SIPA1L1: variants seen among roughly 807,000 people sequenced by gnomAD.
The protein encoded by SIPA1L1 is signal-induced proliferation-associated 1-like protein 1.
A neutral mutation model predicts 162.7 loss-of-function variants in SIPA1L1; 26 were observed. That is an observed-to-expected ratio of 0.16 (90% CI 0.12 to 0.22). SIPA1L1 has a LOEUF of 0.22. SIPA1L1 is among the 10% of genes least tolerant of loss of function. The pLI is 1.00. For missense variants in SIPA1L1, 1,874 were observed against 2,241.0 expected, an observed-to-expected ratio of 0.84 and a Z score of 3.31; for synonymous variants, 829 against 837.4, an observed-to-expected ratio of 0.99 and a Z score of 0.17.
At chr14:71,637,795 C>T (rs555084972) in intron 7 of SIPA1L1, among the ~76,000 whole-genome samples, 2 of 152,028 alleles carry the variant, frequency 1.3e-5, no homozygotes, top group East Asian at 3.9e-4. Flanking sequence ...ATATAGGGTT[C>T]GGTACTATCC....
At chr14:71,713,741 C>A (rs1340545647) in intron 17 of SIPA1L1, among the ~76,000 whole-genome samples, 1 of 152,198 alleles carries the variant, frequency 6.6e-6, no homozygotes, top group Non-Finnish European at 1.5e-5. Context: ...TGTCTGTGTG[C>A]CTCTGTGTAT....
intron 2 of SIPA1L1, among the ~76,000 whole-genome samples, chr14:71,367,516 G>T (rs2038435468): frequency 6.6e-6 from 1 of 150,934 alleles, no homozygotes; most frequent in Admixed American, 6.6e-5. Flanking sequence ...CACCGTGTTA[G>T]CCAGGATGGT....
intron 4 of SIPA1L1, among the ~76,000 whole-genome samples, chr14:71,559,998 A>G (rs970497747): frequency 1.3e-5 from 2 of 152,104 alleles, no homozygotes; most frequent in Non-Finnish European, 2.9e-5. Flanking sequence ...TTTTTAGTGG[A>G]CTCTGATTAT....
chr14:71,622,211 T>C (rs933832464), intron 6 of SIPA1L1, among the ~76,000 whole-genome samples: 36 of 152,212 alleles, frequency 2.4e-4, no homozygotes, highest in African/African-American at 7.2e-4. Context: ...CTCTTTCATT[T>C]TAGTATAAAT....
At chr14:71,413,211 G>A (rs72728469) in intron 2 of SIPA1L1, among the ~76,000 whole-genome samples, 170 of 152,234 alleles carry the variant, frequency 1.1e-3, no homozygotes, top group Non-Finnish European at 2.1e-3. Context: ...GTCACCTGTG[G>A]GTACAAAATT....
Position 71,396,372 on chromosome 14 carries a change from A to C in SIPA1L1, c.-465+75191A>C, listed in dbSNP as rs557525312. Among the ~76,000 whole-genome samples, 5 of 152,286 alleles carry C rather than the reference A, an allele frequency of 3.3e-5. No homozygotes were observed. In the East Asian group the frequency reaches 9.6e-4, roughly 29 times the overall value. Reference sequence around the variant, plus strand: ...CTTGGGTTTCTCAGCCCAGTGCCAGACTTCTAGCAGACCCTCAAAATGTGT... The same window carrying C: ...CTTGGGTTTCTCAGCCCAGTGCCAGCCTTCTAGCAGACCCTCAAAATGTGT... On this transcript the variant is annotated intron_variant, in intron 2 of 23. Coordinates refer to ENST00000381232, the MANE Select transcript of SIPA1L1 (RefSeq NM_001386936.1).
chr14:71,606,388 A>G lies in SIPA1L1; in HGVS notation c.1499-12369A>G, dbSNP rs187153921. ...AGCAGTTTGCTGTGGCAGTGGCTGCATATAGGGGATGTTGGTGGGGTTCCA... is the reference window on the plus strand; with the variant it reads ...AGCAGTTTGCTGTGGCAGTGGCTGCGTATAGGGGATGTTGGTGGGGTTCCA... On this transcript the variant is annotated intron_variant, in intron 5 of 23. Transcript: ENST00000381232. 5.9e-5 allele frequency among the ~76,000 whole-genome samples: 9 copies of G among 152,228 alleles called. No individual in the cohort carries two copies. In the East Asian group the frequency reaches 1.5e-3, roughly 26 times the overall value.
At chr14:71,534,057 T>C (rs2053678187) in intron 4 of SIPA1L1, among the ~76,000 whole-genome samples, 1 of 150,754 alleles carries the variant, frequency 6.6e-6, no homozygotes, top group Non-Finnish European at 1.5e-5. Context: ...AGACCCCATC[T>C]CTACAAAAAA....
chr14:71,388,086 T>C (rs1185438864), intron 2 of SIPA1L1, among the ~76,000 whole-genome samples: 1 of 152,214 alleles, frequency 6.6e-6, no homozygotes, highest in East Asian at 1.9e-4. Context: ...AATATTTGAA[T>C]TTGTGAGAAA....
intron 13 of SIPA1L1, among the ~76,000 whole-genome samples, chr14:71,694,030 A>G (rs2081440246): frequency 6.6e-6 from 1 of 152,172 alleles, no homozygotes; most frequent in Non-Finnish European, 1.5e-5. Flanking sequence ...ATCTTACCTA[A>G]TCAGTTAGGA....
intron 2 of SIPA1L1, among the ~76,000 whole-genome samples, chr14:71,429,625 C>T (rs1410718115): frequency 6.6e-6 from 1 of 152,120 alleles, no homozygotes; most frequent in East Asian, 1.9e-4. Context: ...GGGCATGTTT[C>T]TCTATGCAGT....
At chr14:71,392,723 C>T (rs558816499) in intron 2 of SIPA1L1, among the ~76,000 whole-genome samples, 13 of 152,040 alleles carry the variant, frequency 8.6e-5, no homozygotes, top group South Asian at 2.1e-4. Context: ...TTAGTAGAGA[C>T]GGGGTTTCAC....
intron 3 of SIPA1L1, among the ~76,000 whole-genome samples, chr14:71,525,267 C>T (rs1278596747): frequency 6.6e-6 from 1 of 151,920 alleles, no homozygotes; most frequent in African/African-American, 2.4e-5. Context: ...ACTGCAAGCC[C>T]CACCTCCTGG....
chr14:71,536,343 A>G (rs1202401439), intron 4 of SIPA1L1, among the ~76,000 whole-genome samples: 1 of 152,216 alleles, frequency 6.6e-6, no homozygotes. Flanking sequence ...TATGCTTAAC[A>G]GAAGCTTTCT....
intron 4 of SIPA1L1, among the ~76,000 whole-genome samples, chr14:71,537,014 T>G (rs1045121830): frequency 1.3e-5 from 2 of 152,160 alleles, no homozygotes; most frequent in Admixed American, 6.5e-5. Context: ...CTTGTCTTCT[T>G]ATGCACAATG....
chr14:71,633,155 A>ATGTTC (rs71448374), intron 7 of SIPA1L1, among the ~76,000 whole-genome samples: 318 of 126,104 alleles, frequency 2.5e-3, no homozygotes, highest in East Asian at 0.01. Context: ...ATGTTATGTT[A>ATGTTC]TGTTCTGTTC....
intron 2 of SIPA1L1, among the ~76,000 whole-genome samples, chr14:71,420,276 A>G (rs1438703265): frequency 6.6e-6 from 1 of 152,252 alleles, no homozygotes; most frequent in African/African-American, 2.4e-5. Context: ...ATAAATGACC[A>G]AACATAATAA....
chr14:71,495,427 T>C (rs2049664115), intron 2 of SIPA1L1, among the ~76,000 whole-genome samples: 1 of 151,182 alleles, frequency 6.6e-6, no homozygotes, highest in South Asian at 2.1e-4. Context: ...TTTTCTTTTA[T>C]ATATTTAAAA....
intron 2 of SIPA1L1, among the ~76,000 whole-genome samples, chr14:71,446,081 T>C (rs182273595): frequency 3.3e-5 from 5 of 152,258 alleles, no homozygotes; most frequent in Admixed American, 3.3e-4. Context: ...ACTTCTGGGC[T>C]AAAGTGATCC....
Sources: gnomAD v4.1 joint callset for allele counts (sites outside exome capture counted in the v4.1 genomes callset) on GRCh38, gnomAD v4.1.1 for gene constraint, MANE v1.5 for transcripts, NCBI Gene and HGNC (gene_info 2026-07-23, HGNC 2026-07-21) for gene names.